Variants in SYT14 observed in about 807,000 individuals in gnomAD.
SYT14 encodes synaptotagmin-14.
SYT14 carries 32 observed loss-of-function variants against 74.2 expected under a neutral mutation model. The ratio of observed to expected loss-of-function variants is 0.43; its 90% CI spans 0.33 to 0.58. The LOEUF (loss-of-function observed/expected upper bound fraction) is 0.58. SYT14 is among the 20% of genes least tolerant of loss of function. The pLI is 0.05. For synonymous variants in SYT14, 298 were observed against 337.7 expected (o/e 0.88, Z 1.29); for missense variants, 791 against 981.8 (o/e 0.81, Z 2.60).
intron 7 of SYT14, 26 bp from the exon 7 acceptor site, chr1:210,155,695 T>A (rs955529184): frequency 1.2e-6 from 2 of 1,612,220 alleles, no homozygotes; most frequent in African/African-American, 1.3e-5. Context: ...TGCAAAATAC[T>A]ATAAAAATGT....
chr1:210,136,181 A>C (rs1329872861), intron 7 of SYT14, among the ~76,000 whole-genome samples: 1 of 152,176 alleles, frequency 6.6e-6, no homozygotes, highest in Non-Finnish European at 1.5e-5. Flanking sequence ...ATGGTAAGAA[A>C]GAAGGAGAGA....
chr1:210,059,958 T>C (rs2081178505), intron 5 of SYT14, among the ~76,000 whole-genome samples: 1 of 152,126 alleles, frequency 6.6e-6, no homozygotes. Flanking sequence ...AACTGGGAAG[T>C]GGGAAATTGA....
At chr1:210,078,168 G>A (rs1004274644) in intron 5 of SYT14, among the ~76,000 whole-genome samples, 3 of 151,708 alleles carry the variant, frequency 2.0e-5, no homozygotes, top group Non-Finnish European at 2.9e-5. Flanking sequence ...AAATTAGCCG[G>A]GCGTGGTAGC....
chr1:209,966,285 T>G (rs896570575), intron 2 of SYT14, among the ~76,000 whole-genome samples: 1 of 152,222 alleles, frequency 6.6e-6, no homozygotes, highest in African/African-American at 2.4e-5. Context: ...CTATAAATTT[T>G]ATTTGTTTTC....
chr1:209,956,674 T>TA (rs2078998411), intron 2 of SYT14, among the ~76,000 whole-genome samples: 3 of 152,158 alleles, frequency 2.0e-5, no homozygotes, highest in African/African-American at 7.2e-5. Context: ...ATTTATCAAT[T>TA]AATCTACCCT....
intron 2 of SYT14, among the ~76,000 whole-genome samples, chr1:209,990,760 A>AT (rs397734265): frequency 2.0e-5 from 3 of 150,890 alleles, no homozygotes; most frequent in Non-Finnish European, 3.0e-5. Flanking sequence ...CCCATAAAAA[A>AT]TTTAAAAAAT....
chr1:210,077,337 C>T (rs2081521699), intron 5 of SYT14, among the ~76,000 whole-genome samples: 1 of 152,176 alleles, frequency 6.6e-6, no homozygotes, highest in South Asian at 2.1e-4. Context: ...GGGATCCACC[C>T]CATCACCCAA....
At chr1:210,079,235 A>G (rs567353848) in intron 5 of SYT14, among the ~76,000 whole-genome samples, 41 of 152,190 alleles carry the variant, frequency 2.7e-4, no homozygotes, top group Admixed American at 7.9e-4. Flanking sequence ...TAATTTGAAA[A>G]TAATCTCTAT....
chr1:210,082,036 A>G (rs2081626309), intron 5 of SYT14, among the ~76,000 whole-genome samples: 1 of 152,230 alleles, frequency 6.6e-6, no homozygotes, highest in African/African-American at 2.4e-5. Context: ...TTCAGTTTCT[A>G]TTTGACAGCA....
chr1:210,035,012 G>T (rs1315099464), intron 5 of SYT14, among the ~76,000 whole-genome samples: 1 of 151,666 alleles, frequency 6.6e-6, no homozygotes, highest in East Asian at 1.9e-4. Flanking sequence ...TTGCTGGATT[G>T]AATGGTAGAT....
chr1:210,074,715 G>C (rs962641812), intron 5 of SYT14, among the ~76,000 whole-genome samples: 15 of 152,170 alleles, frequency 9.9e-5, no homozygotes, highest in African/African-American at 3.6e-4. Flanking sequence ...CTCAGGGCGT[G>C]TGATGGTGGT....
chr1:209,956,580 G>A (rs972351427), intron 2 of SYT14, among the ~76,000 whole-genome samples: 2 of 152,152 alleles, frequency 1.3e-5, no homozygotes, highest in African/African-American at 4.8e-5. Context: ...CAGTCACAGG[G>A]CTACATCTAT....
At chr1:209,996,051 C>G (rs916173861) in intron 2 of SYT14, among the ~76,000 whole-genome samples, 2 of 151,994 alleles carry the variant, frequency 1.3e-5, no homozygotes, top group Non-Finnish European at 2.9e-5. Context: ...GAGCAATCTA[C>G]CCTTGCACCT....
At chr1:210,023,308 A>C (rs911367941) in intron 5 of SYT14, among the ~76,000 whole-genome samples, 2 of 152,172 alleles carry the variant, frequency 1.3e-5, no homozygotes, top group Non-Finnish European at 2.9e-5. Context: ...TGTTAGTCAC[A>C]TGAACAAAGT....
At chr1:210,048,515 G>T (rs1162216089) in intron 5 of SYT14, among the ~76,000 whole-genome samples, 1 of 152,180 alleles carries the variant, frequency 6.6e-6, no homozygotes, top group Non-Finnish European at 1.5e-5. Context: ...GTGAGACTCA[G>T]TCACTATCAC....
At chr1:209,972,066 T>G (rs952137348) in intron 2 of SYT14, among the ~76,000 whole-genome samples, 1 of 152,142 alleles carries the variant, frequency 6.6e-6, no homozygotes, top group Non-Finnish European at 1.5e-5. Context: ...TTTTGGAACT[T>G]GATGTTGGTC....
At chr1:210,130,095 T>G (rs2082643406) in intron 7 of SYT14, among the ~76,000 whole-genome samples, 1 of 152,202 alleles carries the variant, frequency 6.6e-6, no homozygotes, top group African/African-American at 2.4e-5. Flanking sequence ...AAACAAACCA[T>G]ATCATTCAGA....
chr1:210,072,862 A>C (rs540859602), intron 5 of SYT14, among the ~76,000 whole-genome samples: 2 of 152,090 alleles, frequency 1.3e-5, no homozygotes, highest in African/African-American at 4.8e-5. Flanking sequence ...TTTTTGGGAC[A>C]TACTAAATTT....
At chr1:210,150,081 C>T (rs1057238735) in intron 7 of SYT14, among the ~76,000 whole-genome samples, 1 of 152,186 alleles carries the variant, frequency 6.6e-6, no homozygotes. Flanking sequence ...CTCATGGGCT[C>T]TAAGCAGCAA....
Sources: gnomAD v4.1 joint callset for allele counts (sites outside exome capture counted in the v4.1 genomes callset) on GRCh38, gnomAD v4.1.1 for gene constraint, MANE v1.5 for transcripts, NCBI Gene and HGNC (gene_info 2026-07-23, HGNC 2026-07-21) for gene names.